The following CCDC85A variants were observed in gnomAD, a reference collection of about 807,000 sequenced individuals.
CCDC85A encodes coiled-coil domain containing 85A, also known as coiled-coil domain-containing protein 85A.
In CCDC85A, 38 loss-of-function variants were observed where a neutral mutation model predicts 50.2. The observed-to-expected ratio is 0.76, with a 90% CI of 0.58 to 0.99. The LOEUF (loss-of-function observed/expected upper bound fraction) is 0.99. Among genes scored for constraint, CCDC85A ranks in the 50% least tolerant of loss-of-function variants. CCDC85A has a pLI of 0.00. For missense variants in CCDC85A, 820 were observed against 742.0 expected (o/e 1.11, Z -1.22); for synonymous variants, 366 against 301.4 (o/e 1.21, Z -2.22).
intron 2 of CCDC85A, among the ~76,000 whole-genome samples, chr2:56,235,926 T>G (rs1463586941): frequency 6.6e-6 from 1 of 152,142 alleles, no homozygotes; most frequent in African/African-American, 2.4e-5. Flanking sequence ...GATATGTGTT[T>G]GAGATCAGCT....
chr2:56,327,463 C>A (rs191818152), intron 2 of CCDC85A, among the ~76,000 whole-genome samples: 1 of 152,190 alleles, frequency 6.6e-6, no homozygotes, highest in African/African-American at 2.4e-5. Flanking sequence ...AATAAAATAA[C>A]TTCTTCTTTC....
At position 56,384,564 on chromosome 2, in the gene CCDC85A, TCAATCTCAAA is replaced by T. The variant is rs1676742519; in HGVS notation, c.*213_*222del. 1 of 487,452 alleles carries T rather than the reference TCAATCTCAAA, an allele frequency of 2.1e-6. No homozygotes were observed. 30.2% of individuals were successfully genotyped at this position (487,452 alleles called of 1,614,324 possible). On this transcript the variant is annotated 3_prime_UTR_variant, in exon 6 of 6. Coordinates refer to ENST00000407595, the MANE Select transcript of CCDC85A (RefSeq NM_001080433.2). Reference sequence around the variant, plus strand: ...TCTCTCACCTCAATGTCCACAACAGTCAATCTCAAACAAGGTAGCTTTGAACATCTCAAAC... The same window carrying T: ...TCTCTCACCTCAATGTCCACAACAGTCAAGGTAGCTTTGAACATCTCAAAC...
At chr2:56,275,103 T>A (rs1670867755) in intron 2 of CCDC85A, among the ~76,000 whole-genome samples, 1 of 152,120 alleles carries the variant, frequency 6.6e-6, no homozygotes, top group African/African-American at 2.4e-5. Flanking sequence ...TTTCAACCGA[T>A]GACTTTTTGT....
chr2:56,300,487 G>A (rs977857419), intron 2 of CCDC85A, among the ~76,000 whole-genome samples: 1 of 152,138 alleles, frequency 6.6e-6, no homozygotes, highest in East Asian at 1.9e-4. Context: ...TAGTCATGTA[G>A]GGGTGATGCT....
intron 2 of CCDC85A, among the ~76,000 whole-genome samples, chr2:56,244,648 G>T (rs1318121019): frequency 6.6e-6 from 1 of 151,232 alleles, no homozygotes; most frequent in Non-Finnish European, 1.5e-5. Context: ...GCTCTCTGCA[G>T]TCTGAATATG....
chr2:56,192,899 C>T lies in CCDC85A; in HGVS notation c.699C>T (p.Ser233=), dbSNP rs1573003253. The T allele has an allele frequency of 6.2e-7, 1 of 1,611,092 alleles. No homozygotes were observed. The highest frequency in any genetic ancestry group is 1.3e-5 in the African/African-American group (1 of 74,882). Residue 233 remains serine (S), a synonymous_variant, in exon 2 of 6, where the codon AGC becomes AGT. Transcript: ENST00000407595. The surrounding 1 kb of genome is among the most constrained non-coding windows in gnomAD (Gnocchi z 4.7). ...ACAAGCACCACGCGAGCAGTGGCAG[C>T]CCGGAGCACCTGCAGAAGCCCCGGA... ...DHHKHHASSG[S]PEHLQKPRSE... is the part of the protein sequence containing the mutation.
chr2:56,241,210 A>C (rs1669241771), intron 2 of CCDC85A, among the ~76,000 whole-genome samples: 2 of 152,154 alleles, frequency 1.3e-5, no homozygotes, highest in Admixed American at 6.5e-5. Context: ...ATATATATAT[A>C]CATATGGCAT....
chr2:56,203,273 C>T (rs1676817884), intron 2 of CCDC85A, among the ~76,000 whole-genome samples: 1 of 151,980 alleles, frequency 6.6e-6, no homozygotes, highest in Non-Finnish European at 1.5e-5. Context: ...GGTGGTTTGC[C>T]ATGAATAGCT....
intron 2 of CCDC85A, among the ~76,000 whole-genome samples, chr2:56,304,935 CAAAA>C (rs750816584): frequency 9.6e-4 from 122 of 127,690 alleles, no homozygotes; most frequent in Non-Finnish European, 1.8e-3. Context: ...AACAAACAAA[CAAAA>C]AAACAAAAAA....
intron 2 of CCDC85A, among the ~76,000 whole-genome samples, chr2:56,309,656 C>T (rs2104220191): frequency 6.6e-6 from 1 of 152,210 alleles, no homozygotes; most frequent in Middle Eastern, 3.4e-3. Context: ...TGGACAGTCA[C>T]ATTTAGAAAA....
At chr2:56,300,672 C>G (rs1442510516) in intron 2 of CCDC85A, among the ~76,000 whole-genome samples, 1 of 152,176 alleles carries the variant, frequency 6.6e-6, no homozygotes, top group Non-Finnish European at 1.5e-5. Flanking sequence ...AATTTATACC[C>G]TTCCTTTATT....
At chr2:56,311,682 A>G (rs1345708580) in intron 2 of CCDC85A, among the ~76,000 whole-genome samples, 7 of 152,112 alleles carry the variant, frequency 4.6e-5, no homozygotes, top group Admixed American at 2.6e-4. Context: ...CTGTGCTAAG[A>G]GCTTTCCTAT....
chr2:56,260,822 T>C (rs1670185668), intron 2 of CCDC85A, among the ~76,000 whole-genome samples: 1 of 152,222 alleles, frequency 6.6e-6, no homozygotes, highest in Non-Finnish European at 1.5e-5. Flanking sequence ...AGAATAATGA[T>C]TCTATTTGTT....
chr2:56,277,734 G>A (rs1298612891), intron 2 of CCDC85A, among the ~76,000 whole-genome samples: 1 of 152,222 alleles, frequency 6.6e-6, no homozygotes, highest in African/African-American at 2.4e-5. Context: ...AGTAAGACGA[G>A]ACTGTAGCCC....
chr2:56,194,838 C>G (rs1173694766), intron 2 of CCDC85A, among the ~76,000 whole-genome samples: 4 of 152,120 alleles, frequency 2.6e-5, no homozygotes, highest in Non-Finnish European at 4.4e-5. Flanking sequence ...CTCACTCTTC[C>G]CAAGAGCCGT....
intron 3 of CCDC85A, among the ~76,000 whole-genome samples, chr2:56,355,617 A>C (rs548273775): frequency 6.6e-6 from 1 of 152,326 alleles, no homozygotes; most frequent in South Asian, 2.1e-4. Flanking sequence ...GTTCGTAAAA[A>C]AGAGAAAAAT....
At chr2:56,302,148 C>T (rs1346139148) in intron 2 of CCDC85A, among the ~76,000 whole-genome samples, 1 of 151,748 alleles carries the variant, frequency 6.6e-6, no homozygotes, top group Non-Finnish European at 1.5e-5. Context: ...CCCAGCTAAT[C>T]GGGAGGCTGA....
chr2:56,294,567 T>C (rs1457021533), intron 2 of CCDC85A, among the ~76,000 whole-genome samples: 1 of 152,236 alleles, frequency 6.6e-6, no homozygotes, highest in Admixed American at 6.5e-5. Flanking sequence ...ATTAGTTTAT[T>C]TCCTTGTCCA....
chr2:56,184,413 G>A lies in CCDC85A; in HGVS notation c.-212G>A, dbSNP rs1387540000. 3 of 536,582 alleles carry A rather than the reference G, an allele frequency of 5.6e-6. No homozygotes were observed. Among genetic ancestry groups the A allele is most frequent in the South Asian group, 9.5e-5 (1 of 10,578 alleles). 33.2% of individuals were successfully genotyped at this position (536,582 alleles called of 1,614,324 possible). Reference sequence around the variant, plus strand: ...GCAGCAGCAAGCGGCTGGCTGCCGGGCCCTGGGGGAGCGCGGGCGCGCGCG... The same window carrying A: ...GCAGCAGCAAGCGGCTGGCTGCCGGACCCTGGGGGAGCGCGGGCGCGCGCG... On this transcript the variant is annotated 5_prime_UTR_variant, in exon 1 of 6. Coordinates refer to ENST00000407595, the MANE Select transcript of CCDC85A (RefSeq NM_001080433.2).
Sources: allele counts gnomAD v4.1 joint callset (sites outside exome capture counted in the v4.1 genomes callset), GRCh38; gene constraint gnomAD v4.1.1; non-coding constraint Gnocchi (gnomAD v3.1); transcripts MANE v1.5; gene names NCBI Gene and HGNC (gene_info 2026-07-23, HGNC 2026-07-21).